The following QTMAN variants were observed in gnomAD, a reference collection of about 807,000 sequenced individuals.
QTMAN encodes tRNA-queuosine alpha-mannosyltransferase.
the QTMAN span, among the ~76,000 whole-genome samples, chr2:144,292,746 C>A: frequency 6.6e-6 from 1 of 152,034 alleles, no homozygotes; most frequent in Non-Finnish European, 1.5e-5. Context: ...CTATAACTTA[C>A]TTAAATTATA....
At chr2:144,127,490 A>G in the QTMAN span, among the ~76,000 whole-genome samples, 15 of 152,180 alleles carry the variant, frequency 9.9e-5, no homozygotes, top group Non-Finnish European at 2.2e-4. Context: ...ACACTGACAA[A>G]ACATGGTAGT....
the QTMAN span, among the ~76,000 whole-genome samples, chr2:144,140,287 T>C: frequency 2.0e-5 from 3 of 152,072 alleles, no homozygotes; most frequent in African/African-American, 4.8e-5. Context: ...ATTAAACATA[T>C]GATGTTGCAG....
chr2:144,316,087 A>T, the QTMAN span, among the ~76,000 whole-genome samples: 1 of 152,122 alleles, frequency 6.6e-6, no homozygotes, highest in Non-Finnish European at 1.5e-5. Context: ...TACAGAAACT[A>T]AAAAAATTAG....
At chr2:144,133,147 ATAT>A in the QTMAN span, among the ~76,000 whole-genome samples, 36 of 49,152 alleles carry the variant, frequency 7.3e-4, 1 homozygote, top group African/African-American at 4.1e-3. Context: ...ATATATATAT[ATAT>A]AATATAATAT....
chr2:144,261,182 A>C, the QTMAN span, among the ~76,000 whole-genome samples: 1 of 152,328 alleles, frequency 6.6e-6, no homozygotes, highest in Admixed American at 6.5e-5. Context: ...TTTTTCCCTA[A>C]GAACACATTT....
the QTMAN span, among the ~76,000 whole-genome samples, chr2:144,061,893 C>CAA: frequency 6.6e-6 from 1 of 152,214 alleles, no homozygotes; most frequent in East Asian, 1.9e-4. Flanking sequence ...CGACTGGGGA[C>CAA]AGTTAGAGAG....
At chr2:144,280,563 A>G in the QTMAN span, among the ~76,000 whole-genome samples, 2 of 152,156 alleles carry the variant, frequency 1.3e-5, no homozygotes, top group African/African-American at 4.8e-5. Context: ...AAAAGAAATC[A>G]TAAAGAAAAA....
the QTMAN span, among the ~76,000 whole-genome samples, chr2:144,169,675 G>A: frequency 3.3e-5 from 5 of 151,764 alleles, no homozygotes; most frequent in East Asian, 5.8e-4. Context: ...TGCTTCAATG[G>A]TCTTCAGTTA....
the QTMAN span, chr2:143,939,447 G>A: frequency 1.3e-5 from 2 of 152,304 alleles, no homozygotes; most frequent in South Asian, 2.1e-4. Context: ...ACACATCTAT[G>A]TGGGTTTTTC....
the QTMAN span, among the ~76,000 whole-genome samples, chr2:144,250,301 G>A: frequency 2.0e-5 from 3 of 151,766 alleles, no homozygotes; most frequent in Admixed American, 2.0e-4. Context: ...GCACCATCAT[G>A]CCCAGCTAAT....
the QTMAN span, among the ~76,000 whole-genome samples, chr2:143,994,251 G>C: frequency 1.3e-5 from 2 of 152,122 alleles, no homozygotes; most frequent in Non-Finnish European, 2.9e-5. Context: ...GGCTTTAGAA[G>C]AAGTAGCTCA....
At chr2:144,222,011 T>G in the QTMAN span, among the ~76,000 whole-genome samples, 2 of 152,220 alleles carry the variant, frequency 1.3e-5, no homozygotes, top group Non-Finnish European at 2.9e-5. Context: ...ATTATTTTGG[T>G]ACTTACAGTT....
the QTMAN span, among the ~76,000 whole-genome samples, chr2:144,088,860 TA>T: frequency 2.0e-5 from 3 of 151,874 alleles, no homozygotes; most frequent in African/African-American, 7.3e-5. Flanking sequence ...CCTGAAACTA[TA>T]AAAATATTAG....
the QTMAN span, among the ~76,000 whole-genome samples, chr2:143,953,966 T>C: frequency 6.6e-6 from 1 of 151,992 alleles, no homozygotes; most frequent in Non-Finnish European, 1.5e-5. Flanking sequence ...AGTATTTACT[T>C]TGAGCTGCAA....
At chr2:144,249,200 A>C in the QTMAN span, among the ~76,000 whole-genome samples, 1 of 152,198 alleles carries the variant, frequency 6.6e-6, no homozygotes, top group Non-Finnish European at 1.5e-5. Context: ...AATTCTAGAA[A>C]CAGAACTTTT....
chr2:144,310,860 G>A, the QTMAN span, among the ~76,000 whole-genome samples: 16 of 152,140 alleles, frequency 1.1e-4, no homozygotes, highest in African/African-American at 3.9e-4. Context: ...ATATGGAGAT[G>A]TCATAAGACA....
At chr2:144,320,348 G>A in the QTMAN span, among the ~76,000 whole-genome samples, 1 of 152,152 alleles carries the variant, frequency 6.6e-6, no homozygotes, top group East Asian at 1.9e-4. Context: ...TAGGTAACAT[G>A]ATACCTAGTG....
the QTMAN span, among the ~76,000 whole-genome samples, chr2:144,234,579 G>C: frequency 1.3e-5 from 2 of 152,180 alleles, no homozygotes; most frequent in Non-Finnish European, 2.9e-5. Context: ...AACTAATACA[G>C]TGTTGATAAA....
At chr2:144,158,628 C>G in the QTMAN span, among the ~76,000 whole-genome samples, 2 of 151,780 alleles carry the variant, frequency 1.3e-5, no homozygotes, top group Non-Finnish European at 2.9e-5. Flanking sequence ...AAAAATTGAG[C>G]CAATGAAAAC....
Sources: gnomAD v4.1 joint callset for allele counts (sites outside exome capture counted in the v4.1 genomes callset) on GRCh38, gnomAD v4.1.1 for gene constraint, MANE v1.5 for transcripts, NCBI Gene and HGNC (gene_info 2026-07-23, HGNC 2026-07-21) for gene names.